FRMD3: variants seen among roughly 807,000 people sequenced by gnomAD.
FRMD3 encodes FERM domain-containing protein 3.
Under a neutral mutation model 70.2 loss-of-function variants are expected in FRMD3, and 33 were observed. That is an observed-to-expected ratio of 0.47 (90% CI 0.36 to 0.63). The LOEUF (loss-of-function observed/expected upper bound fraction) is 0.63. Ranked by LOEUF, FRMD3 falls within the 20% of genes least tolerant of loss-of-function variation. FRMD3 has a pLI of 0.00. For synonymous variants in FRMD3, 279 were observed against 255.9 expected, an observed-to-expected ratio of 1.09 and a Z score of -0.86; for missense variants, 632 against 711.4, an observed-to-expected ratio of 0.89 and a Z score of 1.27.
At chr9:83,562,773 A>G in the FRMD3 span, among the ~76,000 whole-genome samples, 1 of 152,202 alleles carries the variant, frequency 6.6e-6, no homozygotes, top group Non-Finnish European at 1.5e-5. Flanking sequence ...TACTAATAGA[A>G]TTATGGAATG....
rs1832168218 is a variant in FRMD3, at chr9:83,247,575, C to T, written c.*343G>A. 9.8e-7 allele frequency: 1 copy of T among 1,022,614 alleles called. No homozygotes were observed. Among genetic ancestry groups the T allele is most frequent in the Non-Finnish European group, 1.2e-6 (1 of 852,256 alleles). The allele number at this position is 1,022,614 out of a possible 1,614,324, so 63.3% of individuals were successfully genotyped here. A position where few individuals can be genotyped will look rare whatever the true frequency, so the allele number is the denominator to read the frequency against. On this transcript the variant is annotated 3_prime_UTR_variant, in exon 14 of 14. Transcript: ENST00000304195. ...AAAATTCTGATTCTGAACCTTATAG[C>T]TTATAATGGTGCCAACTATTAGAAA...
Position 83,244,811 on chromosome 9 carries a change from A to T in FRMD3, c.*3107T>A. Reference sequence around the variant, plus strand: ...TGAATTCACCCCGAGTTGTGTTTATAAATATTAGACAAACCACAAAATATA... The same window carrying T: ...TGAATTCACCCCGAGTTGTGTTTATTAATATTAGACAAACCACAAAATATA... On this transcript the variant is annotated 3_prime_UTR_variant, in exon 14 of 14. Transcript: ENST00000304195. The T allele has an allele frequency of 1.0e-6, 1 of 985,262 alleles. No homozygotes were observed. Among genetic ancestry groups the T allele is most frequent in the Non-Finnish European group, 1.2e-6 (1 of 829,758 alleles). The allele number at this position is 985,262 out of a possible 1,614,324, so 61.0% of individuals were successfully genotyped here. A position where few individuals can be genotyped will look rare whatever the true frequency, so the allele number is the denominator to read the frequency against.
At chr9:83,567,341 T>A in the FRMD3 span, among the ~76,000 whole-genome samples, 22 of 152,260 alleles carry the variant, frequency 1.4e-4, no homozygotes, top group South Asian at 4.3e-3. Context: ...AACCACTTTT[T>A]CCTCCTAGGC....
chr9:83,572,721 G>C, the FRMD3 span, among the ~76,000 whole-genome samples: 2 of 152,182 alleles, frequency 1.3e-5, no homozygotes, highest in African/African-American at 4.8e-5. Flanking sequence ...AGCAGCACGG[G>C]AACAGGCGTG....
chr9:83,278,964 G>C (rs1488465540), intron 13 of FRMD3, among the ~76,000 whole-genome samples: 1 of 152,224 alleles, frequency 6.6e-6, no homozygotes, highest in Non-Finnish European at 1.5e-5. Context: ...GTGGGGCCAA[G>C]CCTGTATTTA....
intron 1 of FRMD3, among the ~76,000 whole-genome samples, chr9:83,514,184 A>G (rs1013111892): frequency 1.6e-4 from 24 of 152,164 alleles, no homozygotes; most frequent in Non-Finnish European, 2.8e-4. Context: ...TCCCACCCCC[A>G]TGGAGCCCAA....
intron 13 of FRMD3, among the ~76,000 whole-genome samples, chr9:83,259,140 T>C (rs1192142804): frequency 6.6e-6 from 1 of 152,160 alleles, no homozygotes. Context: ...CTGAAATGTG[T>C]AGGAGAATTT....
intron 3 of FRMD3, among the ~76,000 whole-genome samples, chr9:83,366,290 G>T (rs1238119505): frequency 6.6e-6 from 1 of 152,170 alleles, no homozygotes; most frequent in African/African-American, 2.4e-5. Flanking sequence ...GAGATCCTAG[G>T]CCAGGTGCTG....
chr9:83,575,794 T>C, the FRMD3 span, among the ~76,000 whole-genome samples: 1 of 152,216 alleles, frequency 6.6e-6, no homozygotes, highest in Non-Finnish European at 1.5e-5. Context: ...CAGGCTCAGA[T>C]AGCTTCGTTG....
chr9:83,507,730 A>G (rs1476764870), intron 1 of FRMD3, among the ~76,000 whole-genome samples: 1 of 118,946 alleles, frequency 8.4e-6, no homozygotes, highest in African/African-American at 3.1e-5. Context: ...ATATATATAT[A>G]TATATATATC....
At chr9:83,580,574 G>T in the FRMD3 span, among the ~76,000 whole-genome samples, 2 of 152,198 alleles carry the variant, frequency 1.3e-5, no homozygotes, top group South Asian at 4.1e-4. Context: ...TGAATTCATA[G>T]CAGTAGAAAG....
At chr9:83,561,137 G>A in the FRMD3 span, among the ~76,000 whole-genome samples, 2 of 152,132 alleles carry the variant, frequency 1.3e-5, no homozygotes, top group African/African-American at 4.8e-5. Flanking sequence ...GATTTTGTGA[G>A]CTACACCATA....
intron 3 of FRMD3, among the ~76,000 whole-genome samples, chr9:83,367,337 A>C (rs1267507130): frequency 6.6e-6 from 1 of 152,186 alleles, no homozygotes; most frequent in Non-Finnish European, 1.5e-5. Flanking sequence ...AATAATTAAA[A>C]GTTTGATTTT....
At chr9:83,302,154 T>A (rs1185089446) in intron 10 of FRMD3, among the ~76,000 whole-genome samples, 1 of 152,120 alleles carries the variant, frequency 6.6e-6, no homozygotes, top group African/African-American at 2.4e-5. Flanking sequence ...CAGGTTAAAG[T>A]ACATGAATCC....
chr9:83,358,851 G>A (rs544136762), intron 3 of FRMD3, among the ~76,000 whole-genome samples: 7 of 152,102 alleles, frequency 4.6e-5, no homozygotes, highest in East Asian at 1.9e-4. Context: ...GATATGGTTC[G>A]AAAGCACAAA....
intron 1 of FRMD3, among the ~76,000 whole-genome samples, chr9:83,390,224 T>A (rs1825629702): frequency 6.6e-6 from 1 of 152,194 alleles, no homozygotes; most frequent in South Asian, 2.1e-4. Flanking sequence ...ACAACTTGAA[T>A]GGAGCAGGAC....
chr9:83,381,648 G>A (rs999783084), intron 2 of FRMD3, among the ~76,000 whole-genome samples: 14 of 152,096 alleles, frequency 9.2e-5, no homozygotes, highest in African/African-American at 2.9e-4. Flanking sequence ...AGGGTCTCAG[G>A]GATGGGCAAA....
intron 13 of FRMD3, among the ~76,000 whole-genome samples, chr9:83,289,854 G>T (rs1834349748): frequency 6.6e-6 from 1 of 152,186 alleles, no homozygotes; most frequent in African/African-American, 2.4e-5. Context: ...GATGTCTGCA[G>T]GTGTTTGCAG....
chr9:83,248,428 AG>A lies in FRMD3; in HGVS notation c.1283del (p.Pro428LeufsTer8). On this transcript the variant is annotated frameshift_variant, in exon 14 of 14. Transcript: ENST00000304195. LOFTEE classifies it high-confidence loss of function. ...VKAAREYEDPPSEEEDKIKEE... is the reference protein window; with the variant it reads ...VKAAREYEDPXSEEEDKIKEE... ...CTTTTATTTTATCTTCCTCTTCACT[AG>A]GGGGATCTTCATACTCCCGGGCTGC... is the stretch of plus-strand genomic sequence containing the variant. The A allele has an allele frequency of 1.9e-6, 3 of 1,614,124 alleles. No individual in the cohort carries two copies. Among genetic ancestry groups the A allele is most frequent in the Non-Finnish European group, 2.5e-6 (3 of 1,180,016 alleles).
Sources: allele counts gnomAD v4.1 joint callset (sites outside exome capture counted in the v4.1 genomes callset), GRCh38; gene constraint gnomAD v4.1.1; transcripts MANE v1.5; gene names NCBI Gene and HGNC (gene_info 2026-07-23, HGNC 2026-07-21).